Variants in MAEA observed in about 807,000 individuals in gnomAD.
MAEA encodes the protein E3 ubiquitin-protein transferase MAEA.
A neutral mutation model predicts 46.2 loss-of-function variants in MAEA; 22 were observed. The ratio of observed to expected loss-of-function variants is 0.48; its 90% CI spans 0.34 to 0.68. MAEA has a LOEUF of 0.68. Among genes scored for constraint, MAEA ranks in the 30% least tolerant of loss-of-function variants. The pLI is 0.01. For missense variants in MAEA, 393 were observed against 558.1 expected, an observed-to-expected ratio of 0.70 and a Z score of 2.98; for synonymous variants, 246 against 222.6, an observed-to-expected ratio of 1.11 and a Z score of -0.94.
intron 1 of MAEA, chr4:1,297,904 C>G (rs868493147): frequency 2.3e-6 from 1 of 438,184 alleles, no homozygotes; most frequent in Middle Eastern, 3.3e-4. Flanking sequence ...TTGCCTCCAC[C>G]CCTCGCGATG....
At chr4:1,293,415 T>C (rs112492605) in intron 1 of MAEA, among the ~76,000 whole-genome samples, 19 of 152,256 alleles carry the variant, frequency 1.2e-4, no homozygotes, top group African/African-American at 4.1e-4. Context: ...TAAAAGTAAT[T>C]TGTTTTTTCT....
chr4:1,304,046 A>T (rs1299773464), intron 1 of MAEA, among the ~76,000 whole-genome samples: 1 of 151,974 alleles, frequency 6.6e-6, no homozygotes, highest in Non-Finnish European at 1.5e-5. Context: ...CCTGGGTTGA[A>T]GGGTGAGGCC....
intron 2 of MAEA, among the ~76,000 whole-genome samples, chr4:1,314,549 A>G (rs11247989): frequency 0.17 from 26,059 of 152,080 alleles, 4,415 homozygotes; most frequent in East Asian, 0.42. Flanking sequence ...AACCTGTGGC[A>G]TGTTTCACCA....
rs752599974 is a variant in MAEA at position 1,337,009 on chromosome 4, G to A, written c.899+15G>A. ...ATCAAGACACCGTATCCTACCTCCCGTGCGCAGTGCGGTTTGGCCTGGGGT... is the reference window on the plus strand; with the variant it reads ...ATCAAGACACCGTATCCTACCTCCCATGCGCAGTGCGGTTTGGCCTGGGGT... On this transcript the variant is annotated intron_variant, in intron 7 of 8. Coordinates refer to ENST00000303400, the MANE Select transcript of MAEA (RefSeq NM_001017405.3). 11 of 1,612,714 alleles carry A rather than the reference G, an allele frequency of 6.8e-6. No individual in the cohort carries two copies. In the Admixed American group the frequency reaches 1.0e-4, roughly 15 times the overall value.
intron 1 of MAEA, among the ~76,000 whole-genome samples, chr4:1,294,552 G>A (rs1734433730): frequency 7.8e-6 from 1 of 127,500 alleles, no homozygotes; most frequent in African/African-American, 3.1e-5. Context: ...GGGCTGCAGA[G>A]CAGGGCTGCA....
intron 1 of MAEA, among the ~76,000 whole-genome samples, chr4:1,291,329 C>A (rs1734088978): frequency 6.6e-6 from 1 of 152,194 alleles, no homozygotes; most frequent in Non-Finnish European, 1.5e-5. Flanking sequence ...TTTCATGGTG[C>A]TTGTGTGTCC....
chr4:1,324,429 G>C (rs1205481373), intron 4 of MAEA, among the ~76,000 whole-genome samples: 1 of 140,812 alleles, frequency 7.1e-6, no homozygotes, highest in Non-Finnish European at 1.5e-5. Flanking sequence ...GGATGAAGTT[G>C]AGATTGGTGT....
At chr4:1,332,730 TA>T in intron 5 of MAEA, 26 bp from the exon 6 acceptor site, 6 of 1,585,188 alleles carry the variant, frequency 3.8e-6, no homozygotes, top group Non-Finnish European at 5.2e-6. Context: ...AACGCAAACT[TA>T]AATGTGCCAA....
intron 1 of MAEA, among the ~76,000 whole-genome samples, chr4:1,298,847 G>A (rs1048565960): frequency 3.3e-5 from 5 of 151,872 alleles, no homozygotes; most frequent in African/African-American, 1.2e-4. Flanking sequence ...ATACCCACTT[G>A]GCAAGGCACT....
intron 1 of MAEA, chr4:1,310,075 C>A: frequency 9.7e-7 from 1 of 1,031,232 alleles, no homozygotes; most frequent in African/African-American, 1.7e-5. Flanking sequence ...ATGGCGAAGA[C>A]TTTCTGTCCT....
At chr4:1,296,464 C>T (rs1055874188) in intron 1 of MAEA, among the ~76,000 whole-genome samples, 1 of 145,010 alleles carries the variant, frequency 6.9e-6, no homozygotes, top group African/African-American at 2.6e-5. Context: ...CTGTGCCCCC[C>T]TCACCCGTGC....
intron 1 of MAEA, among the ~76,000 whole-genome samples, 167 bp downstream of exon 1, chr4:1,290,149 AGGTGTGGCG>A (rs971298594): frequency 3.3e-5 from 5 of 151,596 alleles, no homozygotes; most frequent in African/African-American, 1.2e-4. Context: ...CGCGCCGGGC[AGGTGTGGCG>A]GGGGCGGCGG....
chr4:1,316,217 C>G (rs1038048447), intron 3 of MAEA, among the ~76,000 whole-genome samples: 2 of 152,188 alleles, frequency 1.3e-5, no homozygotes, highest in African/African-American at 4.8e-5. Flanking sequence ...ACGTGGCACC[C>G]TTGCCCTCTG....
rs1309805549 is a variant in MAEA at position 1,339,502 on chromosome 4, C to T, written c.*333C>T. ...TTAAAATATAGGAGTCCGTGATTTC[C>T]CTGTGTTTTCAGTTTCTTTCCTTCT... is the stretch of plus-strand genomic sequence containing the variant. On this transcript the variant is annotated 3_prime_UTR_variant, in exon 9 of 9. Transcript: ENST00000303400. The T allele has an allele frequency of 9.7e-6, 3 of 309,458 alleles. No homozygotes were observed. Among genetic ancestry groups the T allele is most frequent in the Non-Finnish European group, 1.8e-5 (3 of 164,154 alleles). 19.2% of individuals were successfully genotyped at this position (309,458 alleles called of 1,614,324 possible).
At chr4:1,296,848 C>T (rs1317344917) in intron 1 of MAEA, among the ~76,000 whole-genome samples, 1 of 152,174 alleles carries the variant, frequency 6.6e-6, no homozygotes, top group Non-Finnish European at 1.5e-5. Context: ...ACACCATCCT[C>T]TGGGCTCTCC....
chr4:1,301,423 A>C (rs1328889709), intron 1 of MAEA, among the ~76,000 whole-genome samples: 2 of 152,276 alleles, frequency 1.3e-5, no homozygotes, highest in Non-Finnish European at 2.9e-5. Context: ...CGCTAAGTAG[A>C]GAAATCCCGT....
chr4:1,332,946 C>T (rs764679586), intron 6 of MAEA, 81 bp downstream of exon 6: 197 of 1,075,760 alleles, frequency 1.8e-4, no homozygotes, highest in Middle Eastern at 1.3e-3. Context: ...TGCTTCCACA[C>T]GTGGGGCGGG....
At chr4:1,317,719 G>T (rs1021017761) in intron 3 of MAEA, among the ~76,000 whole-genome samples, 1 of 152,250 alleles carries the variant, frequency 6.6e-6, no homozygotes, top group Admixed American at 6.5e-5. Flanking sequence ...TCACAAGCGT[G>T]AATGTGATGT....
At chr4:1,335,328 T>A (rs7664474) in intron 6 of MAEA, 564,928 of 985,332 alleles carry the variant, frequency 0.57, 163,279 homozygotes, top group African/African-American at 0.75. Flanking sequence ...AGTGCACAGG[T>A]TGCACACATT....
Sources: gnomAD v4.1 joint callset for allele counts (sites outside exome capture counted in the v4.1 genomes callset) on GRCh38, gnomAD v4.1.1 for gene constraint, MANE v1.5 for transcripts, NCBI Gene and HGNC (gene_info 2026-07-23, HGNC 2026-07-21) for gene names.